Variants in NRXN1 observed in about 807,000 individuals in gnomAD.
NRXN1 encodes neurexin 1.
NRXN1 carries 39 observed loss-of-function variants against 150.9 expected under a neutral mutation model. That is an observed-to-expected ratio of 0.26 (90% confidence interval 0.20 to 0.34). The LOEUF is 0.34. Ranked by LOEUF, NRXN1 falls within the 10% of genes least tolerant of loss-of-function variation. The pLI is 1.00. For missense variants in NRXN1, 1,815 were observed against 1,949.9 expected (o/e 0.93, Z 1.30); for synonymous variants, 924 against 757.0 (o/e 1.22, Z -3.62).
intron 12 of NRXN1, among the ~76,000 whole-genome samples, chr2:50,508,863 G>C (rs2092345508): frequency 6.6e-6 from 1 of 152,134 alleles, no homozygotes. Flanking sequence ...GATTTTAGAA[G>C]ATAAGGTTTT....
At chr2:50,507,451 T>G (rs1458358480) in intron 12 of NRXN1, among the ~76,000 whole-genome samples, 2 of 151,278 alleles carry the variant, frequency 1.3e-5, no homozygotes, top group Non-Finnish European at 2.9e-5. Flanking sequence ...TAAACAACAG[T>G]AGAGAGCAAG....
chr2:50,549,673 G>C (rs1667145034), intron 9 of NRXN1, among the ~76,000 whole-genome samples: 1 of 152,090 alleles, frequency 6.6e-6, no homozygotes, highest in Non-Finnish European at 1.5e-5. Flanking sequence ...TCTCCAATGA[G>C]GGTACAAATA....
intron 13 of NRXN1, among the ~76,000 whole-genome samples, chr2:50,504,537 T>A (rs2092123911): frequency 1.3e-5 from 2 of 152,194 alleles, no homozygotes; most frequent in South Asian, 4.1e-4. Context: ...TTTTATAAAT[T>A]TGAAATTATT....
chr2:50,181,255 T>C lies in NRXN1; in HGVS notation c.3546+55534A>G, dbSNP rs896027257. Among the ~76,000 whole-genome samples, 7 of 152,146 alleles carry C rather than the reference T, an allele frequency of 4.6e-5. 1 individual carries two copies. Among genetic ancestry groups the C allele is most frequent in the Admixed American group, 3.3e-4 (5 of 15,260 alleles). On this transcript the variant is annotated intron_variant, in intron 18 of 22. Coordinates refer to ENST00000401669, the MANE Select transcript of NRXN1 (RefSeq NM_001330078.2). The stretch of plus-strand genomic sequence containing the variant: ...TAATGGTGAGTTTAAAAAAAACCTA[T>C]GTATTGCAATTAATTGACAAATAAA...
intron 5 of NRXN1, among the ~76,000 whole-genome samples, chr2:50,624,468 A>G (rs1680629203): frequency 6.6e-6 from 1 of 152,122 alleles, no homozygotes; most frequent in Non-Finnish European, 1.5e-5. Context: ...TTTTCAGTGA[A>G]ACATTTATGT....
intron 5 of NRXN1, among the ~76,000 whole-genome samples, chr2:50,666,878 G>GTGTGT (rs1559097612): frequency 0.052 from 6,631 of 128,370 alleles, 193 homozygotes; most frequent in Non-Finnish European, 0.069. Context: ...TGATGATGAT[G>GTGTGT]ATGTGTGTGT....
At chr2:50,337,251 A>T (rs1158636214) in intron 17 of NRXN1, among the ~76,000 whole-genome samples, 2 of 151,850 alleles carry the variant, frequency 1.3e-5, no homozygotes, top group African/African-American at 4.8e-5. Context: ...ATGCCCAGCT[A>T]ATTTTGTATT....
At chr2:49,974,146 G>C (rs1292266017) in intron 21 of NRXN1, 3 of 713,244 alleles carry the variant, frequency 4.2e-6, no homozygotes, top group Middle Eastern at 2.3e-4. Flanking sequence ...AATTGCCTGC[G>C]CATCAGCCCG....
At chr2:50,036,021 T>C (rs1188458804) in intron 21 of NRXN1, among the ~76,000 whole-genome samples, 1 of 152,102 alleles carries the variant, frequency 6.6e-6, no homozygotes, top group Non-Finnish European at 1.5e-5. Context: ...GCACAACCTT[T>C]ACCTAGGAGA....
At chr2:50,151,337 A>G (rs1190742721) in intron 18 of NRXN1, among the ~76,000 whole-genome samples, 1 of 151,698 alleles carries the variant, frequency 6.6e-6, no homozygotes, top group Non-Finnish European at 1.5e-5. Flanking sequence ...ACACTAAAAC[A>G]CACTGTCAAA....
At chr2:50,800,010 T>A (rs555707238) in intron 5 of NRXN1, among the ~76,000 whole-genome samples, 1 of 152,196 alleles carries the variant, frequency 6.6e-6, no homozygotes, top group South Asian at 2.1e-4. Flanking sequence ...TTTGTGGAAA[T>A]AAATGAGAGA....
intron 12 of NRXN1, among the ~76,000 whole-genome samples, chr2:50,527,826 A>G (rs1052686310): frequency 6.6e-6 from 1 of 152,132 alleles, no homozygotes; most frequent in Non-Finnish European, 1.5e-5. Context: ...ATTTGTTAGA[A>G]CCATTTTATT....
intron 15 of NRXN1, among the ~76,000 whole-genome samples, chr2:50,487,838 G>A (rs1463315929): frequency 6.6e-6 from 1 of 152,152 alleles, no homozygotes; most frequent in East Asian, 1.9e-4. Flanking sequence ...AGATGAGTCT[G>A]GTTAGGACCC....
At chr2:50,712,746 TG>T (rs1695339474) in intron 5 of NRXN1, among the ~76,000 whole-genome samples, 1 of 152,144 alleles carries the variant, frequency 6.6e-6, no homozygotes. Context: ...CCTGTGAGCT[TG>T]GCAGCTTTGT....
intron 21 of NRXN1, among the ~76,000 whole-genome samples, chr2:50,012,507 G>C (rs1298963175): frequency 6.6e-6 from 1 of 152,064 alleles, no homozygotes. Context: ...CTTTAAAAAA[G>C]AAAGAAGAGC....
rs60612860 is a variant in NRXN1, at chr2:50,515,600, G to GGTGTGTGTGTGTGTGTGT, written c.2375-9001_2375-8984dup. On this transcript the variant is annotated intron_variant, in intron 12 of 22. Coordinates refer to ENST00000401669, the MANE Select transcript of NRXN1 (RefSeq NM_001330078.2). Reference sequence around the variant, plus strand: ...ATAGAAACATTCATTAAATGCTTGGGGTGTGTGTGTGTGTGTGTGTGTGTG... The same window carrying GGTGTGTGTGTGTGTGTGT: ...ATAGAAACATTCATTAAATGCTTGGGGTGTGTGTGTGTGTGTGTGTGTGTGTGTGTGTGTGTGTGTGTG... 1.9e-3 allele frequency among the ~76,000 whole-genome samples: 277 copies of GGTGTGTGTGTGTGTGTGT among 143,508 alleles called. 1 individual carries two copies. The highest frequency in any genetic ancestry group is 6.9e-3 in the African/African-American group (267 of 38,724). 94.1% of individuals were successfully genotyped at this position (143,508 alleles called of 152,430 possible).
intron 21 of NRXN1, among the ~76,000 whole-genome samples, chr2:50,011,440 T>C (rs571638710): frequency 6.6e-6 from 1 of 152,166 alleles, no homozygotes; most frequent in Non-Finnish European, 1.5e-5. Flanking sequence ...TAGATTATGA[T>C]TGACTTTTGG....
At chr2:49,949,293 C>A (rs1430619028) in intron 21 of NRXN1, among the ~76,000 whole-genome samples, 1 of 151,754 alleles carries the variant, frequency 6.6e-6, no homozygotes. Context: ...TTATAGGAAG[C>A]CTTTTATTTT....
intron 21 of NRXN1, among the ~76,000 whole-genome samples, chr2:50,044,178 C>T (rs1286525958): frequency 1.3e-5 from 2 of 152,142 alleles, no homozygotes; most frequent in African/African-American, 2.4e-5. Flanking sequence ...TACTCCATGT[C>T]GCAGTTAAAC....
Sources: allele counts gnomAD v4.1 joint callset (sites outside exome capture counted in the v4.1 genomes callset), GRCh38; gene constraint gnomAD v4.1.1; transcripts MANE v1.5; gene names NCBI Gene and HGNC (gene_info 2026-07-23, HGNC 2026-07-21).